The following RYR3 variants were observed in gnomAD, a reference collection of about 807,000 sequenced individuals.
RYR3 encodes the protein brain ryanodine receptor-calcium release channel.
Under a neutral mutation model 584.3 loss-of-function variants are expected in RYR3, and 207 were observed. The observed-to-expected ratio is 0.35, with a 90% CI of 0.32 to 0.40. The LOEUF is 0.40. Among genes scored for constraint, RYR3 ranks in the 10% least tolerant of loss-of-function variants. The pLI is 1.00. For synonymous variants in RYR3, 2,416 were observed against 2,248.5 expected, an observed-to-expected ratio of 1.07 and a Z score of -2.11; for missense variants, 5,616 against 6,089.2, an observed-to-expected ratio of 0.92 and a Z score of 2.59.
intron 43 of RYR3, among the ~76,000 whole-genome samples, chr15:33,716,776 A>G (rs8038360): frequency 0.026 from 3,897 of 152,266 alleles, 163 homozygotes; most frequent in African/African-American, 0.089. Context: ...TCCAGAACCT[A>G]CTTAATATAC....
chr15:33,694,732 A>C (rs1045515079), intron 38 of RYR3, among the ~76,000 whole-genome samples: 1 of 152,324 alleles, frequency 6.6e-6, no homozygotes, highest in Non-Finnish European at 1.5e-5. Flanking sequence ...ATCTAACCTA[A>C]CAGGTATTAG....
At chr15:33,404,585 G>GTTTTTTTTTTTTTTT (rs200311525) in intron 1 of RYR3, among the ~76,000 whole-genome samples, 1 of 127,764 alleles carries the variant, frequency 7.8e-6, no homozygotes, top group Non-Finnish European at 1.6e-5. Flanking sequence ...ATTTACTACT[G>GTTTTTTTTTTTTTTT]TGTGTTTTTT....
At chr15:33,551,881 A>G (rs2056702791) in intron 10 of RYR3, among the ~76,000 whole-genome samples, 1 of 152,226 alleles carries the variant, frequency 6.6e-6, no homozygotes, top group African/African-American at 2.4e-5. Context: ...AAACAAAGCA[A>G]CAGGAAAGTC....
In RYR3 at chr15:33,748,545, T is replaced by C; in HGVS notation, c.8199+15T>C. 1 of 1,608,444 alleles carries C rather than the reference T, an allele frequency of 6.2e-7. No individual in the cohort carries two copies. The highest frequency in any genetic ancestry group is 8.5e-7 in the Non-Finnish European group (1 of 1,176,528). ...GAGAGCTCCAGGTCAGTGCCCCAGG[T>C]CCAGCATGACTTGCTTTCAAGTGCA... On this transcript the variant is annotated intron_variant, in intron 55 of 103. Transcript: ENST00000634891.
chr15:33,846,692 A>G (rs868520920), intron 93 of RYR3, among the ~76,000 whole-genome samples: 3 of 152,304 alleles, frequency 2.0e-5, no homozygotes, highest in Admixed American at 6.5e-5. Flanking sequence ...TAAGGACTCT[A>G]TTGCAACTAT....
chr15:33,477,575 T>TTAA (rs372682334), intron 2 of RYR3, among the ~76,000 whole-genome samples: 3 of 116,432 alleles, frequency 2.6e-5, no homozygotes, highest in African/African-American at 7.7e-5. Context: ...CTTGTTTTGT[T>TTAA]AAAAAAAAAA....
chr15:33,783,991 C>A (rs1439207737), intron 65 of RYR3, among the ~76,000 whole-genome samples: 1 of 152,200 alleles, frequency 6.6e-6, no homozygotes. Flanking sequence ...CCCCTGACAT[C>A]CAAGGAGGAG....
Position 33,812,903 on chromosome 15 carries a change from A to G in RYR3, c.10298A>G (p.Lys3433Arg). The change falls in exon 73 of 104, where the codon AAG becomes AGG. Residue 3433 changes from lysine to arginine, a missense_variant. By Grantham distance (26) the Lys-to-Arg change is conservative (BLOSUM62 2). This residue lies in a region of RYR3 where 954 missense variants were observed against 1,132.2 expected (regional missense o/e 0.84). Coordinates refer to ENST00000634891, the MANE Select transcript of RYR3 (RefSeq NM_001036.6). ...PAVKWQLNLYKDVLKSEEPFN... is the reference protein window; with the variant it reads ...PAVKWQLNLYRDVLKSEEPFN... ...GTAAAATGGCAACTGAACCTCTACA[A>G]GGATGTTCTGAAGAGTGAAGAACCT... 1 of 1,614,014 alleles carries G rather than the reference A, an allele frequency of 6.2e-7. No individual in the cohort carries two copies. Among genetic ancestry groups the G allele is most frequent in the Non-Finnish European group, 8.5e-7 (1 of 1,179,854 alleles).
chr15:33,660,746 T>C (rs558964768), intron 34 of RYR3, among the ~76,000 whole-genome samples: 1 of 152,338 alleles, frequency 6.6e-6, no homozygotes, highest in South Asian at 2.1e-4. Context: ...GACTCTAGCT[T>C]GACTTAGAGA....
At chr15:33,542,909 C>A (rs2055937863) in intron 7 of RYR3, among the ~76,000 whole-genome samples, 2 of 152,104 alleles carry the variant, frequency 1.3e-5, no homozygotes, top group African/African-American at 4.8e-5. Flanking sequence ...TAAGGTTCAG[C>A]ATTTATTTGA....
chr15:33,781,457 C>T (rs1299351986), intron 65 of RYR3, among the ~76,000 whole-genome samples: 1 of 152,160 alleles, frequency 6.6e-6, no homozygotes, highest in Non-Finnish European at 1.5e-5. Context: ...TTAGTTCAAG[C>T]CCCCTTTCTC....
intron 1 of RYR3, among the ~76,000 whole-genome samples, chr15:33,425,130 T>C (rs1049445345): frequency 6.6e-6 from 1 of 152,174 alleles, no homozygotes; most frequent in African/African-American, 2.4e-5. Flanking sequence ...TGTGTGCTAG[T>C]GTTGATCTCC....
chr15:33,558,873 G>T (rs982193932), intron 10 of RYR3, among the ~76,000 whole-genome samples: 2 of 152,218 alleles, frequency 1.3e-5, no homozygotes, highest in African/African-American at 4.8e-5. Flanking sequence ...GCCACATAGA[G>T]AAGTGCCATC....
rs1408279789 is a variant in RYR3 at position 33,840,675 on chromosome 15, C to T, written c.12979-150C>T. 3 of 689,584 alleles carry T rather than the reference C, an allele frequency of 4.4e-6. No homozygotes were observed. In the East Asian group the frequency reaches 8.1e-5, roughly 19 times the overall value. 42.7% of individuals were successfully genotyped at this position (689,584 alleles called of 1,614,324 possible). Reference sequence around the variant, plus strand: ...CTTCAGAGTCACTTGACATATATAGCAGGACACTTATGTTCAGTGATCCTG... The same window carrying T: ...CTTCAGAGTCACTTGACATATATAGTAGGACACTTATGTTCAGTGATCCTG... On this transcript the variant is annotated intron_variant, in intron 89 of 103. Coordinates refer to ENST00000634891, the MANE Select transcript of RYR3 (RefSeq NM_001036.6).
At chr15:33,337,575 C>A (rs1431580971) in intron 1 of RYR3, among the ~76,000 whole-genome samples, 3 of 147,292 alleles carry the variant, frequency 2.0e-5, no homozygotes, top group Admixed American at 2.0e-4. Flanking sequence ...TTTTTTTTTG[C>A]ATGTGTTCAC....
intron 16 of RYR3, among the ~76,000 whole-genome samples, chr15:33,587,316 G>T (rs1033077407): frequency 6.6e-6 from 1 of 152,172 alleles, no homozygotes; most frequent in Non-Finnish European, 1.5e-5. Flanking sequence ...TGAGCAACAC[G>T]TGCTAGGAGC....
At chr15:33,671,076 T>C (rs2063808747) in intron 38 of RYR3, among the ~76,000 whole-genome samples, 1 of 152,204 alleles carries the variant, frequency 6.6e-6, no homozygotes, top group African/African-American at 2.4e-5. Context: ...ACTTCCTATT[T>C]TTCAACAATG....
intron 19 of RYR3, among the ~76,000 whole-genome samples, chr15:33,621,678 T>A (rs535047939): frequency 1.3e-5 from 2 of 151,966 alleles, no homozygotes; most frequent in Non-Finnish European, 1.5e-5. Flanking sequence ...AACTGGGAGG[T>A]TTAGTATGAT....
At chr15:33,485,790 T>G (rs899683702) in intron 2 of RYR3, among the ~76,000 whole-genome samples, 2 of 152,224 alleles carry the variant, frequency 1.3e-5, no homozygotes, top group Non-Finnish European at 2.9e-5. Flanking sequence ...AGTGGATTGT[T>G]AAATTCAGCC....
Sources: allele counts gnomAD v4.1 joint callset (sites outside exome capture counted in the v4.1 genomes callset), GRCh38; gene constraint gnomAD v4.1.1; regional missense constraint gnomAD v4.1.1; transcripts MANE v1.5; gene names NCBI Gene and HGNC (gene_info 2026-07-23, HGNC 2026-07-21).